Variants in LRRTM4 observed in about 807,000 individuals in gnomAD.
LRRTM4 encodes leucine rich repeat transmembrane neuronal 4, also known as leucine-rich repeat transmembrane neuronal protein 4.
Under a neutral mutation model 47.6 loss-of-function variants are expected in LRRTM4, and 25 were observed. That is an observed-to-expected ratio of 0.53 (90% CI 0.38 to 0.73). LRRTM4 has a LOEUF of 0.73. Ranked by LOEUF, LRRTM4 falls within the 30% of genes least tolerant of loss-of-function variation. The pLI is 0.00. For missense variants in LRRTM4, 638 were observed against 713.4 expected (o/e 0.89, Z 1.20); for synonymous variants, 311 against 269.5 (o/e 1.15, Z -1.51).
At chr2:76,983,968 A>T (rs1191606165) in intron 3 of LRRTM4, among the ~76,000 whole-genome samples, 1 of 152,088 alleles carries the variant, frequency 6.6e-6, no homozygotes, top group Admixed American at 6.6e-5. Flanking sequence ...AAATTTAACA[A>T]ACATTCATTA....
chr2:77,361,954 A>G lies in LRRTM4; in HGVS notation c.1551+156364T>C, dbSNP rs141438686. On this transcript the variant is annotated intron_variant, in intron 3 of 3. Coordinates refer to ENST00000409884, the MANE Select transcript of LRRTM4 (RefSeq NM_001134745.3). The stretch of plus-strand genomic sequence containing the variant: ...ACAAAAATTGGCTGGGCATGGTGGC[A>G]CATGCCTGTAGTCCCAACTATTCAG... 8.7e-3 allele frequency among the ~76,000 whole-genome samples: 1,325 copies of G among 151,902 alleles called. 22 individuals carry two copies. Among genetic ancestry groups the G allele is most frequent in the African/African-American group, 0.03 (1,244 of 41,390 alleles).
intron 3 of LRRTM4, among the ~76,000 whole-genome samples, chr2:76,992,653 T>A (rs1169486149): frequency 6.6e-6 from 1 of 151,696 alleles, no homozygotes; most frequent in Non-Finnish European, 1.5e-5. Context: ...AAACAATCCA[T>A]GTTCATGGAT....
intron 3 of LRRTM4, among the ~76,000 whole-genome samples, chr2:76,968,929 T>A (rs1676129662): frequency 6.6e-6 from 1 of 151,838 alleles, no homozygotes. Context: ...CGTCAGTGCC[T>A]AGGGATTTGT....
chr2:76,842,331 G>A (rs1381525035), intron 3 of LRRTM4, among the ~76,000 whole-genome samples: 1 of 152,140 alleles, frequency 6.6e-6, no homozygotes, highest in Non-Finnish European at 1.5e-5. Flanking sequence ...GTTGGCAGAT[G>A]ACAGATAGTG....
In LRRTM4 at chr2:76,795,192, A is replaced by T. The variant is rs114667555; in HGVS notation, c.1552-46276T>A. Among the ~76,000 whole-genome samples the T allele has an allele frequency of 3.2e-3, 484 of 152,294 alleles. 3 individuals are homozygous for T. Among genetic ancestry groups the T allele is most frequent in the African/African-American group, 0.011 (453 of 41,562 alleles). On this transcript the variant is annotated intron_variant, in intron 3 of 3. Coordinates refer to ENST00000409884, the MANE Select transcript of LRRTM4 (RefSeq NM_001134745.3). Reference sequence around the variant, plus strand: ...CAGCAAACATAGAAAAAGGTGCCCGAATCCACAAATAACCAAAGAAATTAA... The same window carrying T: ...CAGCAAACATAGAAAAAGGTGCCCGTATCCACAAATAACCAAAGAAATTAA...
At chr2:76,935,420 G>C (rs1455212934) in intron 3 of LRRTM4, among the ~76,000 whole-genome samples, 1 of 152,140 alleles carries the variant, frequency 6.6e-6, no homozygotes, top group Middle Eastern at 3.4e-3. Context: ...GAATAGCATT[G>C]CATCTATAAA....
chr2:77,064,643 C>A (rs539130306), intron 3 of LRRTM4, among the ~76,000 whole-genome samples: 3 of 152,122 alleles, frequency 2.0e-5, no homozygotes, highest in Non-Finnish European at 4.4e-5. Flanking sequence ...GCATTAAGTT[C>A]GGGAGTGTAT....
chr2:76,939,335 C>T (rs1232709244), intron 3 of LRRTM4, among the ~76,000 whole-genome samples: 2 of 152,136 alleles, frequency 1.3e-5, no homozygotes, highest in East Asian at 1.9e-4. Context: ...CACTTTGTTA[C>T]TCCACTACTC....
chr2:77,141,389 C>A (rs1179594115), intron 3 of LRRTM4, among the ~76,000 whole-genome samples: 1 of 148,482 alleles, frequency 6.7e-6, no homozygotes, highest in Non-Finnish European at 1.5e-5. Flanking sequence ...CCAAACACTG[C>A]GTGTTCTCAC....
chr2:76,811,795 C>T (rs544294400), intron 3 of LRRTM4, among the ~76,000 whole-genome samples: 1 of 152,156 alleles, frequency 6.6e-6, no homozygotes, highest in Non-Finnish European at 1.5e-5. Flanking sequence ...CAGAAGGCAG[C>T]CAATTAGAAT....
At chr2:76,805,421 A>C (rs1675918159) in intron 3 of LRRTM4, among the ~76,000 whole-genome samples, 1 of 152,158 alleles carries the variant, frequency 6.6e-6, no homozygotes, top group Non-Finnish European at 1.5e-5. Context: ...GTGACAAAAG[A>C]GGTTCTGAAA....
At chr2:76,953,919 A>G (rs1005603249) in intron 3 of LRRTM4, among the ~76,000 whole-genome samples, 13 of 152,024 alleles carry the variant, frequency 8.6e-5, no homozygotes, top group Admixed American at 3.9e-4. Flanking sequence ...AGAACCTGCA[A>G]TACCACAGAC....
intron 3 of LRRTM4, among the ~76,000 whole-genome samples, chr2:77,005,648 G>T (rs4853289): frequency 0.41 from 61,803 of 151,968 alleles, 12,693 homozygotes; most frequent in East Asian, 0.52. Context: ...TCTCATAAGA[G>T]CTGATGGTTT....
At chr2:76,951,345 CTTT>C (rs1553435540) in intron 3 of LRRTM4, among the ~76,000 whole-genome samples, 1 of 151,910 alleles carries the variant, frequency 6.6e-6, no homozygotes, top group Non-Finnish European at 1.5e-5. Flanking sequence ...CTTTCAGTCA[CTTT>C]TTTCTAGGTA....
At chr2:76,820,399 T>C (rs187433619) in intron 3 of LRRTM4, among the ~76,000 whole-genome samples, 6 of 151,766 alleles carry the variant, frequency 4.0e-5, no homozygotes, top group Non-Finnish European at 8.8e-5. Flanking sequence ...TAAAGCAATG[T>C]TAGTAGGATT....
intron 3 of LRRTM4, chr2:77,516,640 T>C: frequency 7.1e-6 from 7 of 983,424 alleles, no homozygotes; most frequent in African/African-American, 1.7e-5. Context: ...GGGCCTGCAA[T>C]AAAAACATCA....
At chr2:76,753,650 C>T (rs1178320465) in intron 3 of LRRTM4, among the ~76,000 whole-genome samples, 1 of 151,880 alleles carries the variant, frequency 6.6e-6, no homozygotes, top group African/African-American at 2.4e-5. Flanking sequence ...GCGTATTTTT[C>T]AATGTTGGGA....
chr2:77,404,927 T>C (rs1028681577), intron 3 of LRRTM4, among the ~76,000 whole-genome samples: 1 of 152,104 alleles, frequency 6.6e-6, no homozygotes, highest in African/African-American at 2.4e-5. Context: ...TGGGCATCTG[T>C]AATTTAATGT....
At chr2:77,517,379 A>AT (rs1679250306) in intron 3 of LRRTM4, 1 of 982,778 alleles carries the variant, frequency 1.0e-6, no homozygotes, top group South Asian at 4.7e-5. Flanking sequence ...TGTATCACTT[A>AT]TTTTTTAATA....
Sources: allele counts gnomAD v4.1 joint callset (sites outside exome capture counted in the v4.1 genomes callset), GRCh38; gene constraint gnomAD v4.1.1; transcripts MANE v1.5; gene names NCBI Gene and HGNC (gene_info 2026-07-23, HGNC 2026-07-21).